The following TMCO4 variants were observed in gnomAD, a reference collection of about 807,000 sequenced individuals.
TMCO4 encodes the protein transmembrane and coiled-coil domains 4.
In TMCO4, 58 loss-of-function variants were observed where a neutral mutation model predicts 64.7. The observed-to-expected ratio is 0.90, with a 90% CI of 0.73 to 1.12. The LOEUF (loss-of-function observed/expected upper bound fraction) is 1.12, where lower values mean the gene tolerates loss of function less well. Among genes scored for constraint, TMCO4 ranks in the 50% most tolerant of loss-of-function variants. The pLI is 0.00. For synonymous variants in TMCO4, 325 were observed against 346.1 expected, an observed-to-expected ratio of 0.94 and a Z score of 0.68; for missense variants, 780 against 825.9, an observed-to-expected ratio of 0.94 and a Z score of 0.68.
intron 13 of TMCO4, among the ~76,000 whole-genome samples, chr1:19,727,324 TC>T (rs1026256769): frequency 9.2e-5 from 14 of 152,158 alleles, no homozygotes; most frequent in Non-Finnish European, 1.6e-4. Context: ...AGTAAGAACT[TC>T]CTTTACCAAG....
chr1:19,722,073 C>T (rs7529574), intron 13 of TMCO4, among the ~76,000 whole-genome samples: 2,246 of 152,286 alleles, frequency 0.015, 60 homozygotes, highest in African/African-American at 0.051. Context: ...TACTACCCTT[C>T]GCAGAGTAGT....
intron 2 of TMCO4, among the ~76,000 whole-genome samples, chr1:19,793,129 C>T (rs944834329): frequency 1.3e-5 from 2 of 152,168 alleles, no homozygotes; most frequent in Non-Finnish European, 2.9e-5. Flanking sequence ...TAGTGTGCCG[C>T]CTCTCCCATG....
chr1:19,781,936 A>G (rs1047987092), intron 3 of TMCO4, among the ~76,000 whole-genome samples: 12 of 152,226 alleles, frequency 7.9e-5, no homozygotes, highest in East Asian at 5.8e-4. Flanking sequence ...ATGAGCCACC[A>G]CGCCTGGCTG....
intron 6 of TMCO4, among the ~76,000 whole-genome samples, chr1:19,758,499 C>G (rs1000045182): frequency 1.3e-5 from 2 of 152,196 alleles, no homozygotes; most frequent in African/African-American, 4.8e-5. Context: ...TTCCAGCATG[C>G]AGGCTGCTGG....
In TMCO4 at chr1:19,732,874, C is replaced by A. The variant is rs1054056948; in HGVS notation, c.1264+4498G>T. On this transcript the variant is annotated intron_variant, in intron 13 of 15. Coordinates refer to ENST00000294543, the MANE Select transcript of TMCO4 (RefSeq NM_181719.7). This position sits in a 1 kb window ranked among gnomAD's most constrained non-coding sequence, Gnocchi z 4.8. ...CAGATTCTTGTTATTTGGAAGGCTT[C>A]GGATCCTAGTTTCTTCTTCTTTTAA... 6.6e-6 allele frequency among the ~76,000 whole-genome samples: 1 copy of A among 152,114 alleles called. No homozygotes were observed. The highest frequency in any genetic ancestry group is 2.1e-4 in the South Asian group (1 of 4,824).
chr1:19,736,223 G>C (rs1044756881), intron 13 of TMCO4, among the ~76,000 whole-genome samples: 3 of 152,226 alleles, frequency 2.0e-5, no homozygotes, highest in Non-Finnish European at 4.4e-5. Context: ...TGGCAGGCAA[G>C]AGAACGCGTG....
chr1:19,770,617 C>T (rs1289407263), intron 5 of TMCO4, 48 bp from the exon 6 acceptor site: 2 of 1,582,484 alleles, frequency 1.3e-6, no homozygotes, highest in South Asian at 1.2e-5. Context: ...ATATACGATA[C>T]AGCGCGCTCA....
chr1:19,698,338 G>A (rs2095250219), intron 14 of TMCO4, among the ~76,000 whole-genome samples: 1 of 152,210 alleles, frequency 6.6e-6, no homozygotes. Flanking sequence ...GGTGGGGTGA[G>A]ACAGGCCTGA....
Position 19,682,985 on chromosome 1 carries a change from TAAGA to T in TMCO4, c.*51_*54del. The T allele has an allele frequency of 6.6e-7, 1 of 1,524,518 alleles. No homozygotes were observed. Among genetic ancestry groups the T allele is most frequent in the Non-Finnish European group, 8.8e-7 (1 of 1,139,444 alleles). The allele number at this position is 1,524,518 out of a possible 1,614,324, so 94.4% of individuals were successfully genotyped here. A position where few individuals can be genotyped will look rare whatever the true frequency, so the allele number is the denominator to read the frequency against. On this transcript the variant is annotated 3_prime_UTR_variant, in exon 16 of 16. Transcript: ENST00000294543. Reference sequence around the variant, plus strand: ...AGCTCCTGGGAGGAACCCGAGGGTATAAGAGAGAGCTGCATATGGAGACTGGGGA... The same window carrying T: ...AGCTCCTGGGAGGAACCCGAGGGTATGAGAGCTGCATATGGAGACTGGGGA...
rs562518208 is a variant in TMCO4, at chr1:19,757,165, G to C, written c.383-1399C>G. Among the ~76,000 whole-genome samples, 327 of 150,772 alleles carry C rather than the reference G, an allele frequency of 2.2e-3. 7 individuals carry two copies. The highest frequency in any genetic ancestry group is 6.7e-3 in the African/African-American group (277 of 41,272). On this transcript the variant is annotated intron_variant, in intron 6 of 15. Transcript: ENST00000294543. Reference sequence around the variant, plus strand: ...AATTAGCCAGGCGTGGTGGCGGGGGGGGGCGCCTGTAATTTCCAGCAACTT... The same window carrying C: ...AATTAGCCAGGCGTGGTGGCGGGGGCGGGCGCCTGTAATTTCCAGCAACTT...
At chr1:19,790,978 A>G (rs2044003388) in intron 2 of TMCO4, among the ~76,000 whole-genome samples, 1 of 152,260 alleles carries the variant, frequency 6.6e-6, no homozygotes, top group African/African-American at 2.4e-5. Flanking sequence ...CTATGCAGCC[A>G]TAAAAAGGAA....
At chr1:19,753,757 C>T (rs979974632) in intron 7 of TMCO4, among the ~76,000 whole-genome samples, 1 of 152,196 alleles carries the variant, frequency 6.6e-6, no homozygotes, top group African/African-American at 2.4e-5. Flanking sequence ...TGAACAGTTG[C>T]TATGGCTTCC....
chr1:19,727,872 C>A (rs1475179385), intron 13 of TMCO4, among the ~76,000 whole-genome samples: 4 of 152,122 alleles, frequency 2.6e-5, no homozygotes, highest in Admixed American at 2.6e-4. Flanking sequence ...TATGATGCAG[C>A]CATAAAAATG....
chr1:19,695,350 C>T (rs1249740755), intron 14 of TMCO4, among the ~76,000 whole-genome samples: 1 of 152,196 alleles, frequency 6.6e-6, no homozygotes, highest in African/African-American at 2.4e-5. Context: ...CTCGCAAACC[C>T]TTGAACTGTC....
intron 6 of TMCO4, among the ~76,000 whole-genome samples, chr1:19,757,056 T>A (rs908417838): frequency 2.6e-5 from 4 of 151,210 alleles, no homozygotes; most frequent in Admixed American, 1.3e-4. Flanking sequence ...TTTGGGACAC[T>A]GAGGTGGGCA....
intron 13 of TMCO4, among the ~76,000 whole-genome samples, chr1:19,733,507 G>A (rs1473042856): frequency 6.6e-6 from 1 of 152,166 alleles, no homozygotes; most frequent in Admixed American, 6.5e-5. Flanking sequence ...GGGATACAGT[G>A]ACAAGAAGGA....
intron 7 of TMCO4, among the ~76,000 whole-genome samples, chr1:19,755,280 C>T (rs573295121): frequency 2.0e-5 from 3 of 152,304 alleles, no homozygotes; most frequent in East Asian, 3.9e-4. Context: ...CACATGCCAG[C>T]GTGCCCGGCT....
chr1:19,765,545 A>T (rs1570951227), intron 6 of TMCO4, among the ~76,000 whole-genome samples: 1 of 149,644 alleles, frequency 6.7e-6, no homozygotes, highest in South Asian at 2.1e-4. Flanking sequence ...AGCCCATGGC[A>T]CACAGAATAG....
chr1:19,769,302 CG>C (rs759963155), intron 6 of TMCO4, among the ~76,000 whole-genome samples: 1 of 152,250 alleles, frequency 6.6e-6, no homozygotes, highest in East Asian at 1.9e-4. Context: ...AGAATGGTAC[CG>C]GGGGCAGCCC....
Sources: allele counts gnomAD v4.1 joint callset (sites outside exome capture counted in the v4.1 genomes callset), GRCh38; gene constraint gnomAD v4.1.1; non-coding constraint Gnocchi (gnomAD v3.1); transcripts MANE v1.5; gene names NCBI Gene and HGNC (gene_info 2026-07-23, HGNC 2026-07-21).